LRP1B: variants seen among roughly 807,000 people sequenced by gnomAD.
LRP1B encodes low-density lipoprotein receptor-related protein 1B.
In LRP1B, 217 loss-of-function variants were observed where a neutral mutation model predicts 556.6. That is an observed-to-expected ratio of 0.39 (90% confidence interval 0.35 to 0.44). The LOEUF (loss-of-function observed/expected upper bound fraction) is 0.44. Ranked by LOEUF, LRP1B falls within the 20% of genes least tolerant of loss-of-function variation. The probability of loss-of-function intolerance (pLI) is 1.00; values close to 1 mark genes in which losing one functional copy is unlikely to be tolerated. For missense variants in LRP1B, 5,053 were observed against 5,620.8 expected, an observed-to-expected ratio of 0.90 and a Z score of 3.23; for synonymous variants, 2,047 against 1,865.8, an observed-to-expected ratio of 1.10 and a Z score of -2.50.
intron 1 of LRP1B, among the ~76,000 whole-genome samples, chr2:142,024,687 C>T (rs1157501669): frequency 1.5e-5 from 2 of 133,222 alleles, no homozygotes; most frequent in Non-Finnish European, 3.1e-5. Flanking sequence ...AAACTAAAAT[C>T]TGTGTGACAT....
At chr2:140,998,786 T>C (rs898080546) in intron 15 of LRP1B, among the ~76,000 whole-genome samples, 1 of 152,098 alleles carries the variant, frequency 6.6e-6, no homozygotes, top group African/African-American at 2.4e-5. Context: ...CATTTGCCAG[T>C]GGATTTTTGT....
intron 1 of LRP1B, among the ~76,000 whole-genome samples, chr2:142,114,856 T>TA (rs755538519): frequency 5.9e-5 from 9 of 152,100 alleles, no homozygotes; most frequent in Non-Finnish European, 1.3e-4. Flanking sequence ...AGGGTGACTA[T>TA]AGTTAATAAT....
intron 1 of LRP1B, among the ~76,000 whole-genome samples, chr2:141,813,495 G>A (rs551253736): frequency 5.3e-5 from 8 of 152,122 alleles, no homozygotes; most frequent in Middle Eastern, 3.4e-3. Flanking sequence ...AGAGGTCAAC[G>A]TGGCTGCAGA....
chr2:140,496,011 G>C (rs1370686446), intron 55 of LRP1B, among the ~76,000 whole-genome samples: 1 of 152,172 alleles, frequency 6.6e-6, no homozygotes, highest in East Asian at 1.9e-4. Flanking sequence ...CGTGTGGTTA[G>C]AGATTGGCAA....
intron 2 of LRP1B, among the ~76,000 whole-genome samples, chr2:141,641,166 T>A (rs1439727592): frequency 6.9e-6 from 1 of 145,322 alleles, no homozygotes; most frequent in East Asian, 2.0e-4. Context: ...AAAAGTCCAC[T>A]TATTTAAAGT....
intron 2 of LRP1B, among the ~76,000 whole-genome samples, chr2:141,775,903 C>T (rs1191998498): frequency 4.1e-5 from 6 of 147,588 alleles, no homozygotes; most frequent in South Asian, 2.1e-4. Context: ...AGTGCAGTGG[C>T]GCAATCTTGG....
intron 2 of LRP1B, among the ~76,000 whole-genome samples, chr2:141,577,455 T>G (rs757435660): frequency 5.9e-5 from 9 of 152,132 alleles, no homozygotes; most frequent in Non-Finnish European, 1.3e-4. Flanking sequence ...GATGGGAAAT[T>G]GAATTACATA....
At chr2:140,476,980 T>C (rs563566481) in intron 59 of LRP1B, among the ~76,000 whole-genome samples, 12 of 152,198 alleles carry the variant, frequency 7.9e-5, no homozygotes, top group African/African-American at 2.6e-4. Context: ...GCTATGCTTT[T>C]TAAAATCTTG....
At chr2:140,809,038 C>G (rs991444186) in intron 32 of LRP1B, among the ~76,000 whole-genome samples, 15 of 151,946 alleles carry the variant, frequency 9.9e-5, no homozygotes, top group African/African-American at 2.7e-4. Context: ...TAATTCCATC[C>G]TTTTCTCTCA....
intron 3 of LRP1B, among the ~76,000 whole-genome samples, chr2:141,265,619 C>G (rs1023223669): frequency 1.3e-5 from 2 of 152,158 alleles, no homozygotes; most frequent in Non-Finnish European, 2.9e-5. Flanking sequence ...TAGATCTACT[C>G]AAAATTGCTA....
Position 141,020,057 on chromosome 2 carries a change from T to G in LRP1B, c.1835A>C (p.Asn612Thr). ...EGIAVDWIGN[N>T]LYWTNDGHRK... ...ATGGCCATCATTGGTCCAGTAAAGATTATTTCCAATCCAGTCCACAGCAAT... is the reference window on the plus strand; with the variant it reads ...ATGGCCATCATTGGTCCAGTAAAGAGTATTTCCAATCCAGTCCACAGCAAT... Residue 612 changes from asparagine (N) to threonine (T), a missense_variant, in exon 12 of 91, where the codon AAT becomes ACT. Physicochemically the swap from Asn to Thr is moderately conservative, Grantham distance 65. Transcript: ENST00000389484. 1 of 1,611,200 alleles carries G rather than the reference T, an allele frequency of 6.2e-7. No individual in the cohort carries two copies. The highest frequency in any genetic ancestry group is 8.5e-7 in the Non-Finnish European group (1 of 1,178,180).
chr2:142,065,286 G>A (rs1705068841), intron 1 of LRP1B, among the ~76,000 whole-genome samples: 1 of 151,388 alleles, frequency 6.6e-6, no homozygotes, highest in Non-Finnish European at 1.5e-5. Flanking sequence ...GGTATCAACA[G>A]TGTTCCTTTC....
At chr2:141,791,491 CT>C (rs1432156147) in intron 2 of LRP1B, among the ~76,000 whole-genome samples, 1 of 152,092 alleles carries the variant, frequency 6.6e-6, no homozygotes, top group Non-Finnish European at 1.5e-5. Context: ...TTAAATATAT[CT>C]TTTAACATTT....
In LRP1B at chr2:141,863,778, A is replaced by T. The variant is rs117227146; in HGVS notation, c.83-53377T>A. Among the ~76,000 whole-genome samples the T allele has an allele frequency of 8.5e-5, 13 of 152,136 alleles. No individual in the cohort carries two copies. In the East Asian group the frequency reaches 2.5e-3, roughly 29 times the overall value. Reference sequence around the variant, plus strand: ...TGAGCTATAAATCAAACTTAAACCTATTTGATTCATTGTCTTTTCATTATA... The same window carrying T: ...TGAGCTATAAATCAAACTTAAACCTTTTTGATTCATTGTCTTTTCATTATA... On this transcript the variant is annotated intron_variant, in intron 1 of 90. Coordinates refer to ENST00000389484, the MANE Select transcript of LRP1B (RefSeq NM_018557.3).
intron 3 of LRP1B, among the ~76,000 whole-genome samples, chr2:141,423,221 C>A (rs1680206679): frequency 1.3e-5 from 2 of 148,708 alleles, no homozygotes; most frequent in South Asian, 4.3e-4. Context: ...GGCTGATGTA[C>A]ATGACTATAC....
At chr2:141,468,083 C>T (rs1348207869) in intron 3 of LRP1B, among the ~76,000 whole-genome samples, 2 of 152,004 alleles carry the variant, frequency 1.3e-5, no homozygotes, top group Non-Finnish European at 2.9e-5. Flanking sequence ...ACAAATTAAA[C>T]CAAGGCACAT....
At chr2:142,010,065 A>G (rs1412040356) in intron 1 of LRP1B, among the ~76,000 whole-genome samples, 2 of 152,136 alleles carry the variant, frequency 1.3e-5, no homozygotes, top group African/African-American at 4.8e-5. Flanking sequence ...TTTCATAACT[A>G]GTTCTCAACT....
At chr2:141,762,900 A>G (rs995515673) in intron 2 of LRP1B, among the ~76,000 whole-genome samples, 3 of 152,242 alleles carry the variant, frequency 2.0e-5, no homozygotes, top group African/African-American at 7.2e-5. Context: ...CTCTCTTTCT[A>G]TATGAGGTTT....
intron 35 of LRP1B, among the ~76,000 whole-genome samples, chr2:140,754,191 T>G (rs1688670665): frequency 1.3e-5 from 2 of 152,260 alleles, no homozygotes; most frequent in Middle Eastern, 3.4e-3. Flanking sequence ...CAATGGAGAT[T>G]TTTGTTTTAA....
Sources: allele counts gnomAD v4.1 joint callset (sites outside exome capture counted in the v4.1 genomes callset), GRCh38; gene constraint gnomAD v4.1.1; transcripts MANE v1.5; gene names NCBI Gene and HGNC (gene_info 2026-07-23, HGNC 2026-07-21).